The following PPP2R3A variants were observed in gnomAD, a reference collection of about 807,000 sequenced individuals.
The protein encoded by PPP2R3A is serine/threonine-protein phosphatase 2A regulatory subunit B'' subunit alpha.
In PPP2R3A, 80 loss-of-function variants were observed where a neutral mutation model predicts 106.9. That is an observed-to-expected ratio of 0.75 (90% confidence interval 0.62 to 0.90). The LOEUF is 0.90. PPP2R3A is among the 40% of genes least tolerant of loss of function. PPP2R3A has a pLI of 0.00. For missense variants in PPP2R3A, 1,386 were observed against 1,350.4 expected (o/e 1.03, Z -0.41); for synonymous variants, 483 against 468.3 (o/e 1.03, Z -0.41).
Position 136,027,045 on chromosome 3 carries a change from A to G in PPP2R3A, c.2209A>G (p.Met737Val), listed in dbSNP as rs1008057319. The change falls in exon 3 of 14, where the codon ATG becomes GTG. Residue 737 changes from methionine (M) to valine (V), a missense_variant. Physicochemically the swap from Met to Val is conservative, Grantham distance 21. Transcript: ENST00000264977. ...QTLSRIETAF[M>V]DIEEQKADIY... ...TCTAAGCAGAATTGAAACTGCTTTC[A>G]TGGATATTGAAGAACAGAAAGCAGA... The G allele has an allele frequency of 1.2e-6, 2 of 1,613,438 alleles. No individual in the cohort carries two copies. The highest frequency in any genetic ancestry group is 1.3e-5 in the African/African-American group (1 of 74,914).
chr3:135,972,082 C>T (rs1235395842), intron 1 of PPP2R3A, among the ~76,000 whole-genome samples: 1 of 152,160 alleles, frequency 6.6e-6, no homozygotes, highest in Non-Finnish European at 1.5e-5. Context: ...GGAACATTTT[C>T]ATCACCCCAA....
intron 2 of PPP2R3A, among the ~76,000 whole-genome samples, chr3:136,011,031 C>T (rs895446520): frequency 1.3e-5 from 2 of 152,126 alleles, no homozygotes; most frequent in Non-Finnish European, 2.9e-5. Flanking sequence ...TCTAGCCCTC[C>T]TCTTTCTAAA....
intron 1 of PPP2R3A, among the ~76,000 whole-genome samples, chr3:135,994,124 G>A (rs556657880): frequency 6.6e-6 from 1 of 152,138 alleles, no homozygotes; most frequent in African/African-American, 2.4e-5. Flanking sequence ...AAAGCTGAAG[G>A]GAAGCTCTGT....
chr3:136,131,002 T>C (rs2108016945), intron 13 of PPP2R3A, among the ~76,000 whole-genome samples: 1 of 152,306 alleles, frequency 6.6e-6, no homozygotes, highest in Middle Eastern at 3.4e-3. Context: ...TATACAAAAG[T>C]TAATTCAAGA....
At chr3:136,056,665 C>A in intron 5 of PPP2R3A, among the ~76,000 whole-genome samples, 1 of 151,646 alleles carries the variant, frequency 6.6e-6, no homozygotes, top group East Asian at 1.9e-4. Flanking sequence ...TGACACTCGT[C>A]TTAGCATTGA....
chr3:136,076,613 A>G (rs756294062), intron 6 of PPP2R3A, among the ~76,000 whole-genome samples: 6 of 152,030 alleles, frequency 3.9e-5, no homozygotes, highest in African/African-American at 9.7e-5. Context: ...TAACTTTCAA[A>G]CCTCATTATT....
intron 6 of PPP2R3A, among the ~76,000 whole-genome samples, chr3:136,077,187 GGGGTT>G (rs1354394791): frequency 6.6e-6 from 1 of 152,104 alleles, no homozygotes; most frequent in Non-Finnish European, 1.5e-5. Context: ...TAGGGTCAGA[GGGGTT>G]AGCACTGATA....
intron 13 of PPP2R3A, among the ~76,000 whole-genome samples, chr3:136,135,324 C>G (rs1253057615): frequency 6.6e-6 from 1 of 152,076 alleles, no homozygotes; most frequent in Admixed American, 6.5e-5. Flanking sequence ...CAGCCACAGT[C>G]TATAGAGCAA....
intron 9 of PPP2R3A, among the ~76,000 whole-genome samples, chr3:136,089,292 C>T (rs938467309): frequency 1.3e-5 from 2 of 152,128 alleles, no homozygotes; most frequent in African/African-American, 4.8e-5. Flanking sequence ...TTTCATTCTT[C>T]TGCATATAGC....
chr3:136,053,299 AAG>A (rs2107869883), intron 5 of PPP2R3A, among the ~76,000 whole-genome samples: 1 of 152,352 alleles, frequency 6.6e-6, no homozygotes, highest in Admixed American at 6.5e-5. Context: ...AAGTTTAAAA[AAG>A]ATTCTGTGAT....
chr3:136,087,809 A>G, intron 8 of PPP2R3A, 74 bp from the exon 9 acceptor site: 1 of 1,247,332 alleles, frequency 8.0e-7, no homozygotes, highest in Non-Finnish European at 1.2e-6. Context: ...GTGAAAAGCA[A>G]ATTTGTGAAA....
At chr3:136,003,933 C>T (rs1357282793) in intron 2 of PPP2R3A, among the ~76,000 whole-genome samples, 2 of 152,148 alleles carry the variant, frequency 1.3e-5, no homozygotes, top group Non-Finnish European at 2.9e-5. Context: ...CTGTGTAGAC[C>T]TGTGTAAGGT....
chr3:135,992,928 A>G (rs928451941), intron 1 of PPP2R3A, among the ~76,000 whole-genome samples: 1 of 152,182 alleles, frequency 6.6e-6, no homozygotes, highest in African/African-American at 2.4e-5. Context: ...TTCAAAGGGC[A>G]GGTGGAGAAC....
intron 9 of PPP2R3A, among the ~76,000 whole-genome samples, chr3:136,090,309 A>G (rs1937063723): frequency 6.6e-6 from 1 of 152,128 alleles, no homozygotes; most frequent in Non-Finnish European, 1.5e-5. Flanking sequence ...CTATATCTAA[A>G]TACAGGTAAC....
intron 2 of PPP2R3A, among the ~76,000 whole-genome samples, chr3:136,005,141 C>G (rs752949725): frequency 3.3e-5 from 5 of 152,132 alleles, no homozygotes; most frequent in Non-Finnish European, 5.9e-5. Context: ...AGGTCACAGT[C>G]AAAACGCTAT....
intron 2 of PPP2R3A, 131 bp from the exon 3 acceptor site, chr3:136,026,701 A>G: frequency 2.7e-6 from 2 of 739,084 alleles, no homozygotes; most frequent in South Asian, 4.5e-5. Flanking sequence ...CATGCTTACC[A>G]CCTTTAAGAG....
intron 2 of PPP2R3A, among the ~76,000 whole-genome samples, chr3:136,008,247 G>A (rs1933913772): frequency 6.6e-6 from 1 of 152,170 alleles, no homozygotes; most frequent in Non-Finnish European, 1.5e-5. Flanking sequence ...GTCACTGAGG[G>A]AAAATGTTTC....
At chr3:136,096,573 TCCA>T (rs1937220500) in intron 10 of PPP2R3A, among the ~76,000 whole-genome samples, 1 of 152,268 alleles carries the variant, frequency 6.6e-6, no homozygotes, top group African/African-American at 2.4e-5. Flanking sequence ...AGATATCATC[TCCA>T]GGAGCTATTT....
rs755924324 is a variant in PPP2R3A, at chr3:136,049,371, A to G, written c.2469+10A>G. On this transcript the variant is annotated intron_variant, in intron 5 of 13. Coordinates refer to ENST00000264977, the MANE Select transcript of PPP2R3A (RefSeq NM_002718.5). ...CATCCCTCTACTTCAGGTAATTTTC[A>G]TCTCCTTTTGAAAATGGGTTCTAAT... 91 of 1,583,336 alleles carry G rather than the reference A, an allele frequency of 5.7e-5. No homozygotes were observed. Among genetic ancestry groups the G allele is most frequent in the Non-Finnish European group, 7.0e-5 (81 of 1,162,278 alleles).
Sources: gnomAD v4.1 joint callset for allele counts (sites outside exome capture counted in the v4.1 genomes callset) on GRCh38, gnomAD v4.1.1 for gene constraint, MANE v1.5 for transcripts, NCBI Gene and HGNC (gene_info 2026-07-23, HGNC 2026-07-21) for gene names.